Variants in ACOT11 observed in about 807,000 individuals in gnomAD.
ACOT11 encodes acyl-coenzyme A thioesterase 11.
Under a neutral mutation model 77.5 loss-of-function variants are expected in ACOT11, and 69 were observed. The ratio of observed to expected loss-of-function variants is 0.89; its 90% CI spans 0.73 to 1.09. The LOEUF (loss-of-function observed/expected upper bound fraction) is 1.09. Among genes scored for constraint, ACOT11 ranks in the 50% least tolerant of loss-of-function variants. ACOT11 has a pLI of 0.00. For synonymous variants in ACOT11, 279 were observed against 313.0 expected (o/e 0.89, Z 1.15); for missense variants, 766 against 813.7 (o/e 0.94, Z 0.71).
downstream of ACOT11, among the ~76,000 whole-genome samples, chr1:54,613,087 A>T (rs975695010): frequency 6.6e-6 from 1 of 151,926 alleles, no homozygotes; most frequent in Non-Finnish European, 1.5e-5. Context: ...TTTCTTTAAA[A>T]ATCTCCCTCC....
chr1:54,587,493 C>A (rs986667480), intron 3 of ACOT11, among the ~76,000 whole-genome samples: 4 of 149,878 alleles, frequency 2.7e-5, no homozygotes, highest in African/African-American at 9.8e-5. Flanking sequence ...AGCCTGCCAA[C>A]CTGGGCAAGA....
At chr1:54,585,279 C>T (rs1435805611) in intron 2 of ACOT11, among the ~76,000 whole-genome samples, 1 of 152,198 alleles carries the variant, frequency 6.6e-6, no homozygotes, top group East Asian at 1.9e-4. Flanking sequence ...CGCTCACAGC[C>T]TGGTAGGGTG....
At chr1:54,635,371 A>C (rs568465355) in exon 17 of ACOT11, 43 of 295,754 alleles carry the variant, frequency 1.5e-4, no homozygotes, top group African/African-American at 9.3e-4. Context: ...ATTATCTGGA[A>C]CCATGGCGGT....
chr1:54,630,886 GGTGA>G lies in ACOT11; in HGVS notation c.1782+3_1782+6del, dbSNP rs1644295996. The G allele has an allele frequency of 4.1e-6, 3 of 734,304 alleles. No homozygotes were observed. The highest frequency in any genetic ancestry group is 7.6e-6 in the Non-Finnish European group (3 of 396,446). 45.5% of individuals were successfully genotyped at this position (734,304 alleles called of 1,614,324 possible). A position where few individuals can be genotyped will look rare whatever the true frequency, so the allele number is the denominator to read the frequency against. On this transcript the variant is annotated splice_donor_variant and splice_donor_region_variant and intron_variant, in intron 16 of 16. Transcript: ENST00000371316. LOFTEE classifies it high-confidence loss of function. ...TGAGTACTCTTAAAGCAATCCCCGTGGTGAGTAAGAAGGGGAGTCCGGAAGCGTC... is the reference window on the plus strand; with the variant it reads ...TGAGTACTCTTAAAGCAATCCCCGTGGTAAGAAGGGGAGTCCGGAAGCGTC...
chr1:54,563,813 A>G (rs958183860), intron 1 of ACOT11, among the ~76,000 whole-genome samples: 13 of 152,248 alleles, frequency 8.5e-5, no homozygotes, highest in Admixed American at 2.6e-4. Context: ...TAATCCCAGC[A>G]CTTTGGGAGG....
intron 8 of ACOT11, among the ~76,000 whole-genome samples, chr1:54,600,221 G>C (rs1297204422): frequency 6.6e-6 from 1 of 152,186 alleles, no homozygotes; most frequent in Non-Finnish European, 1.5e-5. Flanking sequence ...TTTTGTAGGA[G>C]CTGTGAAGCC....
chr1:54,626,638 C>G lies in ACOT11; in HGVS notation c.1630-4096C>G, dbSNP rs1299715143. On this transcript the variant is annotated intron_variant, in intron 15 of 16. Transcript: ENST00000371316. ...GTGGGCCTATCTGCCTGATTTTATC[C>G]ATCTACTTGTCCCTTCTTATTCACA... 3.8e-5 allele frequency among the ~76,000 whole-genome samples: 3 copies of G among 79,560 alleles called. 1 individual carries two copies. Among genetic ancestry groups the G allele is most frequent in the African/African-American group, 9.8e-5 (3 of 30,544 alleles). 52.2% of individuals were successfully genotyped at this position (79,560 alleles called of 152,430 possible).
At chr1:54,549,496 C>G (rs78017003) in intron 1 of ACOT11, among the ~76,000 whole-genome samples, 6,861 of 152,284 alleles carry the variant, frequency 0.045, 423 homozygotes, top group East Asian at 0.29. Flanking sequence ...CTGCATCTCC[C>G]CAAACTTGTG....
chr1:54,635,576 C>T (rs1027937702), exon 17 of ACOT11: 1 of 212,352 alleles, frequency 4.7e-6, no homozygotes, highest in South Asian at 6.7e-5. Context: ...CCCGGGCAAC[C>T]TGACCTTAAT....
At chr1:54,610,724 C>A (rs1457919187), downstream of ACOT11, 2 of 979,558 alleles carry the variant, frequency 2.0e-6, no homozygotes, top group African/African-American at 1.8e-5. Context: ...AAGTGACTTG[C>A]CCAAGGTCTT....
At chr1:54,554,990 A>G (rs1472053220) in intron 1 of ACOT11, among the ~76,000 whole-genome samples, 1 of 151,628 alleles carries the variant, frequency 6.6e-6, no homozygotes, top group Non-Finnish European at 1.5e-5. Context: ...ACGGAGTCTC[A>G]CTCTGTCGCC....
At chr1:54,602,007 C>T (rs1040815280) in intron 9 of ACOT11, among the ~76,000 whole-genome samples, 2 of 152,256 alleles carry the variant, frequency 1.3e-5, no homozygotes, top group African/African-American at 4.8e-5. Context: ...GGGGAGGTCC[C>T]CTGGCCTTCC....
At chr1:54,551,286 T>G (rs1371178821) in intron 1 of ACOT11, among the ~76,000 whole-genome samples, 1 of 152,186 alleles carries the variant, frequency 6.6e-6, no homozygotes, top group Non-Finnish European at 1.5e-5. Context: ...TTCAGTGTCC[T>G]GTGGCACTGT....
chr1:54,612,317 C>T (rs189027780), downstream of ACOT11, among the ~76,000 whole-genome samples: 24 of 151,834 alleles, frequency 1.6e-4, no homozygotes, highest in Non-Finnish European at 2.1e-4. Flanking sequence ...TAGTGAGTAG[C>T]CCGTCACCAG....
rs1277305797 is a variant in ACOT11 at position 54,622,021 on chromosome 1, C to A, written c.1630-8713C>A. Reference sequence around the variant, plus strand: ...AGGCACAGTGGCTCATGCCTGTAATCCCAGCACTTTGGGAGGCCAAGGTGG... The same window carrying A: ...AGGCACAGTGGCTCATGCCTGTAATACCAGCACTTTGGGAGGCCAAGGTGG... On this transcript the variant is annotated intron_variant, in intron 15 of 16. Coordinates refer to the ACOT11 transcript ENST00000371316. Among the ~76,000 whole-genome samples, 3 of 152,142 alleles carry A rather than the reference C, an allele frequency of 2.0e-5. No homozygotes were observed. The East Asian group carries it at 5.8e-4, about 29-fold the overall frequency.
chr1:54,626,562 A>C (rs535040421), intron 15 of ACOT11, among the ~76,000 whole-genome samples: 1 of 152,324 alleles, frequency 6.6e-6, no homozygotes, highest in South Asian at 2.1e-4. Flanking sequence ...AGAGGTCGAG[A>C]CTTGTCCCAA....
intron 1 of ACOT11, among the ~76,000 whole-genome samples, chr1:54,575,338 G>A (rs1398636550): frequency 6.6e-6 from 1 of 152,160 alleles, no homozygotes; most frequent in Non-Finnish European, 1.5e-5. Flanking sequence ...GTCACCTCTG[G>A]GACAGGGGCA....
chr1:54,621,819 C>T (rs1644232422), intron 15 of ACOT11: 1 of 152,484 alleles, frequency 6.6e-6, no homozygotes, highest in African/African-American at 2.4e-5. Flanking sequence ...GAGCCCTTCA[C>T]TGAGAGGCTG....
At chr1:54,573,767 C>T (rs1654003954) in intron 1 of ACOT11, among the ~76,000 whole-genome samples, 1 of 152,042 alleles carries the variant, frequency 6.6e-6, no homozygotes, top group South Asian at 2.1e-4. Context: ...CGGTGACTCA[C>T]ACCTGCAATC....
Sources: allele counts gnomAD v4.1 joint callset (sites outside exome capture counted in the v4.1 genomes callset), GRCh38; gene constraint gnomAD v4.1.1; transcripts MANE v1.5; gene names NCBI Gene and HGNC (gene_info 2026-07-23, HGNC 2026-07-21).